Variants in RGS7BP observed in about 807,000 individuals in gnomAD.
RGS7BP encodes regulator of G protein signaling 7-binding protein.
Under a neutral mutation model 31.3 loss-of-function variants are expected in RGS7BP, and 9 were observed. The ratio of observed to expected loss-of-function variants is 0.29; its 90% CI spans 0.17 to 0.50. RGS7BP has a LOEUF of 0.50. Among genes scored for constraint, RGS7BP ranks in the 20% least tolerant of loss-of-function variants. RGS7BP has a pLI of 0.98. For synonymous variants in RGS7BP, 115 were observed against 120.1 expected (o/e 0.96, Z 0.28); for missense variants, 274 against 322.0 (o/e 0.85, Z 1.14).
chr5:64,512,877 C>T (rs1010854220), intron 2 of RGS7BP, among the ~76,000 whole-genome samples: 11 of 150,796 alleles, frequency 7.3e-5, no homozygotes, highest in Non-Finnish European at 1.2e-4. Flanking sequence ...AAATTTTTTA[C>T]ATAAATCAGC....
chr5:64,519,097 C>A (rs1183497951), intron 2 of RGS7BP, among the ~76,000 whole-genome samples: 1 of 152,174 alleles, frequency 6.6e-6, no homozygotes, highest in Non-Finnish European at 1.5e-5. Flanking sequence ...AAGCCAAAGT[C>A]ATGCTTCCTG....
At position 64,516,451 on chromosome 5, in the gene RGS7BP, A is replaced by C. The variant is rs1400616144; in HGVS notation, c.332+8574A>C. Among the ~76,000 whole-genome samples, 5 of 152,148 alleles carry C rather than the reference A, an allele frequency of 3.3e-5. No individual in the cohort carries two copies. The East Asian group carries it at 9.6e-4, about 29-fold the overall frequency. On this transcript the variant is annotated intron_variant, in intron 2 of 5. Transcript: ENST00000334025. ...GCCATCAGCTGTTGTAGTACGTCCT[A>C]ATCGGTCTCCTTGAGTTCAGTCTCT...
At position 64,593,336 on chromosome 5, in the gene RGS7BP, A is replaced by C. The variant is rs1292183243; in HGVS notation, c.464-1374A>C. ...CCTCCAGCAGGAATCCAAGGAAAAA[A>C]CTTCCTGTTAGATTTTACCATGAGC... On this transcript the variant is annotated intron_variant, in intron 3 of 5. Transcript: ENST00000334025. Among the ~76,000 whole-genome samples, 7 of 152,220 alleles carry C rather than the reference A, an allele frequency of 4.6e-5. No individual in the cohort carries two copies. The South Asian group carries it at 1.5e-3, about 32-fold the overall frequency.
intron 2 of RGS7BP, among the ~76,000 whole-genome samples, chr5:64,514,537 T>A (rs903492387): frequency 6.6e-6 from 1 of 152,178 alleles, no homozygotes; most frequent in African/African-American, 2.4e-5. Context: ...AGGGTAGAGT[T>A]TGTGACCATG....
chr5:64,570,263 G>C (rs1287100061), intron 2 of RGS7BP, among the ~76,000 whole-genome samples: 2 of 152,024 alleles, frequency 1.3e-5, no homozygotes, highest in African/African-American at 4.8e-5. Flanking sequence ...ACCATCCTTT[G>C]CCTTTTATAC....
rs111499637 is a variant in RGS7BP, at chr5:64,572,308, C to A, written c.333-3466C>A. Among the ~76,000 whole-genome samples the A allele has an allele frequency of 4.6e-5, 7 of 152,256 alleles. 1 individual carries two copies. The highest frequency in any genetic ancestry group is 1.7e-4 in the African/African-American group (7 of 41,556). On this transcript the variant is annotated intron_variant, in intron 2 of 5. Coordinates refer to ENST00000334025, the MANE Select transcript of RGS7BP (RefSeq NM_001029875.3). ...TTGTTATGAAAATAACGCAAATGCT[C>A]TTAATGTTTCCCAAAAATGTATTTC...
intron 2 of RGS7BP, among the ~76,000 whole-genome samples, chr5:64,523,162 G>A (rs1749150035): frequency 6.6e-6 from 1 of 152,168 alleles, no homozygotes; most frequent in African/African-American, 2.4e-5. Flanking sequence ...TGCATTTCAA[G>A]GTCTCCAAAC....
intron 3 of RGS7BP, among the ~76,000 whole-genome samples, chr5:64,579,091 G>A (rs146662298): frequency 1.3e-5 from 2 of 152,256 alleles, no homozygotes; most frequent in African/African-American, 2.4e-5. Flanking sequence ...CAAGTCTCTT[G>A]TGTTTCCAGA....
chr5:64,589,805 A>G (rs1742859134), intron 3 of RGS7BP, among the ~76,000 whole-genome samples: 1 of 151,716 alleles, frequency 6.6e-6, no homozygotes, highest in South Asian at 2.1e-4. Context: ...TTGTATTCCT[A>G]TAGTCCCAGC....
intron 5 of RGS7BP, 30 bp downstream of exon 5, chr5:64,598,465 A>C (rs373339872): frequency 2.7e-5 from 38 of 1,405,422 alleles, no homozygotes; most frequent in Non-Finnish European, 3.4e-5. Context: ...TTTGAGGCAG[A>C]GGATGTTTTT....
intron 2 of RGS7BP, among the ~76,000 whole-genome samples, chr5:64,547,721 G>T (rs1741694277): frequency 6.6e-6 from 1 of 152,102 alleles, no homozygotes; most frequent in Non-Finnish European, 1.5e-5. Flanking sequence ...ATATTAGAAA[G>T]AAGCAAATAG....
At position 64,531,039 on chromosome 5, in the gene RGS7BP, G is replaced by C. The variant is rs142236064; in HGVS notation, c.332+23162G>C. ...CCTTCCTCTTGGGTCAAACACTCCA[G>C]CTTCAAAGCTCTGGTACGAAAACCC... On this transcript the variant is annotated intron_variant, in intron 2 of 5. Transcript: ENST00000334025. 5.3e-4 allele frequency among the ~76,000 whole-genome samples: 80 copies of C among 152,288 alleles called. 1 individual carries two copies. In the South Asian group the frequency reaches 0.016, roughly 30 times the overall value.
intron 5 of RGS7BP, among the ~76,000 whole-genome samples, chr5:64,601,669 C>T (rs557572318): frequency 2.0e-5 from 3 of 152,340 alleles, no homozygotes; most frequent in East Asian, 1.9e-4. Context: ...CCTGCTTCAG[C>T]GCCCCTCCTG....
chr5:64,550,828 G>A (rs1274359838), intron 2 of RGS7BP, among the ~76,000 whole-genome samples: 2 of 149,982 alleles, frequency 1.3e-5, no homozygotes, highest in Admixed American at 1.3e-4. Context: ...AGAACATGCG[G>A]TGTTTGGTTT....
intron 3 of RGS7BP, among the ~76,000 whole-genome samples, chr5:64,585,062 A>G (rs181198730): frequency 7.1e-4 from 108 of 152,296 alleles, no homozygotes; most frequent in African/African-American, 2.6e-3. Flanking sequence ...GAGAATTAGT[A>G]TAACTGTTTG....
intron 3 of RGS7BP, among the ~76,000 whole-genome samples, chr5:64,580,698 C>A (rs1737483804): frequency 6.6e-6 from 1 of 152,088 alleles, no homozygotes; most frequent in Admixed American, 6.5e-5. Context: ...AGATGCCAGA[C>A]TAGTTTTTAC....
chr5:64,506,340 C>T lies in RGS7BP; in HGVS notation c.-285C>T, dbSNP rs1437181538. ...CCGAGAGGAAGGCAGTGCGAGCCCGCGCCAGCGCCCAGCTCCCGGGACAGG... is the reference window on the plus strand; with the variant it reads ...CCGAGAGGAAGGCAGTGCGAGCCCGTGCCAGCGCCCAGCTCCCGGGACAGG... On this transcript the variant is annotated 5_prime_UTR_variant, in exon 1 of 6. Coordinates refer to ENST00000334025, the MANE Select transcript of RGS7BP (RefSeq NM_001029875.3). This position sits in a 1 kb window ranked among gnomAD's most constrained non-coding sequence, Gnocchi z 4.6. The T allele has an allele frequency of 6.3e-6, 2 of 316,274 alleles. No homozygotes were observed. Among genetic ancestry groups the T allele is most frequent in the Non-Finnish European group, 5.7e-6 (1 of 173,968 alleles). 19.6% of individuals were successfully genotyped at this position (316,274 alleles called of 1,614,324 possible). A position where few individuals can be genotyped will look rare whatever the true frequency, so the allele number is the denominator to read the frequency against.
intron 5 of RGS7BP, among the ~76,000 whole-genome samples, chr5:64,600,295 G>A (rs769838865): frequency 2.5e-4 from 38 of 152,142 alleles, no homozygotes; most frequent in African/African-American, 7.5e-4. Flanking sequence ...TGGGTGCCAC[G>A]TCACCTATAT....
At chr5:64,539,205 AT>A (rs954959702) in intron 2 of RGS7BP, among the ~76,000 whole-genome samples, 3 of 151,876 alleles carry the variant, frequency 2.0e-5, no homozygotes, top group Admixed American at 2.0e-4. Context: ...TCTTTGGCTT[AT>A]TTTTCATTGG....
Sources: gnomAD v4.1 joint callset for allele counts (sites outside exome capture counted in the v4.1 genomes callset) on GRCh38, gnomAD v4.1.1 for gene constraint, Gnocchi (gnomAD v3.1) non-coding constraint, MANE v1.5 for transcripts, NCBI Gene and HGNC (gene_info 2026-07-23, HGNC 2026-07-21) for gene names.